The following RPTOR variants were observed in gnomAD, a reference collection of about 807,000 sequenced individuals.
The protein encoded by RPTOR is regulatory-associated protein of mTOR.
RPTOR carries 21 observed loss-of-function variants against 169.9 expected under a neutral mutation model. The observed-to-expected ratio is 0.12, with a 90% CI of 0.09 to 0.18. The LOEUF (loss-of-function observed/expected upper bound fraction) is 0.18, where lower values mean the gene tolerates loss of function less well. Ranked by LOEUF, RPTOR falls within the 10% of genes least tolerant of loss-of-function variation. The probability of loss-of-function intolerance (pLI) is 1.00; values close to 1 mark genes in which losing one functional copy is unlikely to be tolerated. For missense variants in RPTOR, 1,133 were observed against 1,855.9 expected (o/e 0.61, Z 7.16); for synonymous variants, 732 against 753.2 (o/e 0.97, Z 0.46).
chr17:80,677,033 G>A (rs536884489), intron 3 of RPTOR, among the ~76,000 whole-genome samples: 7 of 152,296 alleles, frequency 4.6e-5, no homozygotes, highest in African/African-American at 7.2e-5. Flanking sequence ...GTACTGCCTC[G>A]TGCCAGTGGA....
chr17:80,826,131 G>A (rs758857474), intron 9 of RPTOR, among the ~76,000 whole-genome samples: 1 of 152,160 alleles, frequency 6.6e-6, no homozygotes, highest in African/African-American at 2.4e-5. Flanking sequence ...TGAGCCACCT[G>A]CCTGTGGTGC....
chr17:80,849,253 G>C (rs996915200), intron 11 of RPTOR, among the ~76,000 whole-genome samples: 1 of 152,200 alleles, frequency 6.6e-6, no homozygotes, highest in Non-Finnish European at 1.5e-5. Flanking sequence ...GGGAAAGGGA[G>C]TTTTCTCACT....
intron 9 of RPTOR, among the ~76,000 whole-genome samples, chr17:80,828,893 G>A (rs900598078): frequency 2.0e-5 from 3 of 152,180 alleles, no homozygotes; most frequent in African/African-American, 7.2e-5. Flanking sequence ...TCATGAGTAT[G>A]CAAAATATAT....
chr17:80,944,507 C>A (rs1443131810), intron 25 of RPTOR, among the ~76,000 whole-genome samples: 1 of 152,220 alleles, frequency 6.6e-6, no homozygotes, highest in Non-Finnish European at 1.5e-5. Context: ...GCGGCCAGGG[C>A]CCCTGGGCCC....
chr17:80,893,936 C>G, intron 20 of RPTOR, 71 bp downstream of exon 20: 1 of 1,385,950 alleles, frequency 7.2e-7, no homozygotes, highest in Non-Finnish European at 9.6e-7. Context: ...GCAGCACAGA[C>G]CTGTGTCTGC....
chr17:80,801,549 C>G (rs2067157769), intron 7 of RPTOR: 1 of 152,208 alleles, frequency 6.6e-6, no homozygotes, highest in Admixed American at 6.5e-5. Flanking sequence ...GTGTCAGAGG[C>G]ACAGCGGCTG....
chr17:80,615,161 C>T (rs1051155175), intron 1 of RPTOR, among the ~76,000 whole-genome samples: 14 of 152,166 alleles, frequency 9.2e-5, no homozygotes, highest in African/African-American at 3.4e-4. Context: ...ACCCGAGAGC[C>T]GGTCCCTGAC....
intron 7 of RPTOR, among the ~76,000 whole-genome samples, chr17:80,797,052 T>G (rs1324976605): frequency 6.6e-6 from 1 of 152,244 alleles, no homozygotes; most frequent in East Asian, 1.9e-4. Flanking sequence ...TTTTTATGTT[T>G]TTTTAATTTT....
In RPTOR at chr17:80,885,037, C is replaced by G. The variant is rs2068228904; in HGVS notation, c.1872C>G (p.Gly624=). Residue 624 remains glycine, a synonymous_variant, in exon 17 of 34, where the codon GGC becomes GGG. Transcript: ENST00000306801. The part of the protein sequence containing the change: ...EVRCAAVFAL[G]TFVGNSAERT... ...GCTGCGCAGCGGTCTTCGCCCTTGG[C>G]ACGTTCGTGGGCAACTCTGCAGAGA... is the stretch of plus-strand genomic sequence containing the variant. 6.2e-7 allele frequency: 1 copy of G among 1,609,402 alleles called. No homozygotes were observed. Among genetic ancestry groups the G allele is most frequent in the Admixed American group, 1.7e-5 (1 of 59,488 alleles).
chr17:80,573,476 A>G (rs901048609), intron 1 of RPTOR, among the ~76,000 whole-genome samples: 5 of 152,134 alleles, frequency 3.3e-5, no homozygotes. Context: ...GGTGTTGCCC[A>G]TCTTTTGTTG....
At chr17:80,558,669 C>T (rs1004274697) in intron 1 of RPTOR, among the ~76,000 whole-genome samples, 3 of 152,146 alleles carry the variant, frequency 2.0e-5, no homozygotes, top group East Asian at 1.9e-4. Flanking sequence ...TCCTAAACAC[C>T]GTGTCTGTCT....
chr17:80,948,318 C>A (rs2144061048), intron 27 of RPTOR, among the ~76,000 whole-genome samples: 1 of 152,380 alleles, frequency 6.6e-6, no homozygotes, highest in Middle Eastern at 3.4e-3. Flanking sequence ...TGCAGCCCCT[C>A]CTCCGAGCGC....
chr17:80,582,464 C>T (rs1352139742), intron 1 of RPTOR, among the ~76,000 whole-genome samples: 1 of 151,746 alleles, frequency 6.6e-6, no homozygotes. Flanking sequence ...GCTGCACGGC[C>T]CTCTCTGATC....
chr17:80,962,626 C>G, intron 32 of RPTOR, 49 bp downstream of exon 32: 1 of 1,522,806 alleles, frequency 6.6e-7, no homozygotes, highest in Non-Finnish European at 9.0e-7. Flanking sequence ...CGCCTCGGGC[C>G]TCTGTGCAAA....
intron 2 of RPTOR, among the ~76,000 whole-genome samples, chr17:80,628,679 G>A (rs1472402582): frequency 6.6e-6 from 1 of 150,474 alleles, no homozygotes; most frequent in African/African-American, 2.5e-5. Flanking sequence ...GTCTCTCAAT[G>A]TTGCCCAGGC....
chr17:80,603,439 G>A (rs2065205672), intron 1 of RPTOR, among the ~76,000 whole-genome samples: 2 of 152,192 alleles, frequency 1.3e-5, no homozygotes, highest in South Asian at 2.1e-4. Flanking sequence ...AGAAGCTCGT[G>A]GGGGTTGGTG....
At position 80,922,798 on chromosome 17, in the gene RPTOR, C is replaced by T. The variant is rs1419995485; in HGVS notation, c.2595C>T (p.Thr865=). 4 of 1,585,444 alleles carry T rather than the reference C, an allele frequency of 2.5e-6. No homozygotes were observed. The highest frequency in any genetic ancestry group is 3.4e-6 in the Non-Finnish European group (4 of 1,170,506). The stretch of plus-strand genomic sequence containing the variant: ...CGCAGTCGGCCCCCGCCAGCCCCAC[C>T]AACAAGGGCGTGCACATCCACCAGG... ...SLTQSAPASP[T]NKGVHIHQAG... is the part of the protein sequence containing the mutation. Residue 865 remains threonine, a synonymous_variant, in exon 22 of 34, where the codon ACC becomes ACT. Coordinates refer to ENST00000306801, the MANE Select transcript of RPTOR (RefSeq NM_020761.3).
chr17:80,760,689 A>G (rs1169217977), intron 6 of RPTOR, among the ~76,000 whole-genome samples: 1 of 152,150 alleles, frequency 6.6e-6, no homozygotes, highest in African/African-American at 2.4e-5. Flanking sequence ...AGAAAAGGGA[A>G]CTAGGATTGG....
At chr17:80,607,599 T>A (rs1205240391) in intron 1 of RPTOR, among the ~76,000 whole-genome samples, 1 of 147,046 alleles carries the variant, frequency 6.8e-6, no homozygotes, top group African/African-American at 2.5e-5. Context: ...TATATGCCAT[T>A]TATATATATA....
Sources: gnomAD v4.1 joint callset for allele counts (sites outside exome capture counted in the v4.1 genomes callset) on GRCh38, gnomAD v4.1.1 for gene constraint, MANE v1.5 for transcripts, NCBI Gene and HGNC (gene_info 2026-07-23, HGNC 2026-07-21) for gene names.